CDK7: variants seen among roughly 807,000 people sequenced by gnomAD.
The protein encoded by CDK7 is cyclin-dependent kinase 7.
CDK7 carries 25 observed loss-of-function variants against 49.1 expected under a neutral mutation model. The observed-to-expected ratio is 0.51, with a 90% CI of 0.37 to 0.71. CDK7 has a LOEUF of 0.71. Ranked by LOEUF, CDK7 falls within the 30% of genes least tolerant of loss-of-function variation. The pLI is 0.00. For synonymous variants in CDK7, 107 were observed against 140.0 expected, an observed-to-expected ratio of 0.76 and a Z score of 1.67; for missense variants, 316 against 411.7, an observed-to-expected ratio of 0.77 and a Z score of 2.01.
At position 69,273,042 on chromosome 5, in the gene CDK7, G is replaced by A; in HGVS notation, c.864+1G>A. On this transcript the variant is annotated splice_donor_variant, in intron 10 of 11. Coordinates refer to ENST00000256443, the MANE Select transcript of CDK7 (RefSeq NM_001799.4). LOFTEE classifies it high-confidence loss of function. ...ATGTGCTCGAATTACGGCCACACAG[G>A]TATTTTGGTGTATCTTTTTTATACT... 7 of 1,506,130 alleles carry A rather than the reference G, an allele frequency of 4.6e-6. No individual in the cohort carries two copies. Among genetic ancestry groups the A allele is most frequent in the Non-Finnish European group, 6.3e-6 (7 of 1,116,182 alleles). The allele number at this position is 1,506,130 out of a possible 1,614,324, so 93.3% of individuals were successfully genotyped here.
intron 11 of CDK7, 158 bp downstream of exon 11, chr5:69,276,848 G>A (rs1458980366): frequency 1.4e-6 from 1 of 735,642 alleles, no homozygotes; most frequent in Non-Finnish European, 2.2e-6. Flanking sequence ...TGCCGTTTTA[G>A]GTATGTTTAC....
intron 4 of CDK7, 46 bp from the exon 5 acceptor site, chr5:69,255,414 T>C: frequency 9.0e-7 from 1 of 1,109,644 alleles, no homozygotes; most frequent in Non-Finnish European, 1.3e-6. Flanking sequence ...TATGATACTG[T>C]CAGGTATTAA....
At chr5:69,265,046 G>A (rs992039506) in intron 8 of CDK7, among the ~76,000 whole-genome samples, 1 of 151,816 alleles carries the variant, frequency 6.6e-6, no homozygotes, top group Non-Finnish European at 1.5e-5. Flanking sequence ...GGCAGATCAC[G>A]AGGTGAGGAG....
intron 2 of CDK7, among the ~76,000 whole-genome samples, chr5:69,251,622 C>G (rs1561355891): frequency 2.0e-5 from 3 of 152,142 alleles, no homozygotes. Context: ...TCACTGTAGC[C>G]TGGGCTCAAG....
chr5:69,246,814 T>G (rs574452132), intron 2 of CDK7, among the ~76,000 whole-genome samples: 1 of 152,286 alleles, frequency 6.6e-6, no homozygotes, highest in Admixed American at 6.5e-5. Context: ...ATAATTTCTT[T>G]GAAGAAATTT....
chr5:69,269,584 G>A (rs1022445411), intron 9 of CDK7, among the ~76,000 whole-genome samples: 8 of 151,836 alleles, frequency 5.3e-5, no homozygotes, highest in African/African-American at 1.7e-4. Context: ...AGCACACTAC[G>A]AACATAAAAG....
In CDK7 at chr5:69,277,224, G is replaced by A; in HGVS notation, c.*89G>A. 1 of 890,752 alleles carries A rather than the reference G, an allele frequency of 1.1e-6. No homozygotes were observed. Among genetic ancestry groups the A allele is most frequent in the Non-Finnish European group, 1.7e-6 (1 of 580,550 alleles). The allele number at this position is 890,752 out of a possible 1,614,324, so 55.2% of individuals were successfully genotyped here. A position where few individuals can be genotyped will look rare whatever the true frequency, so the allele number is the denominator to read the frequency against. ...TAGTAAACATTAAGTAAATGCTGTA[G>A]AAGTGAGTTTGTAAATATTCTACAC... is the stretch of plus-strand genomic sequence containing the variant. On this transcript the variant is annotated 3_prime_UTR_variant, in exon 12 of 12. Transcript: ENST00000256443.
chr5:69,276,541 A>C lies in CDK7; in HGVS notation c.865-2A>C. Reference sequence around the variant, plus strand: ...TACTTTTGGTATCTTTTCTTTTAAAAGGCACTGAAAATGAAGTATTTCAGT... The same window carrying C: ...TACTTTTGGTATCTTTTCTTTTAAACGGCACTGAAAATGAAGTATTTCAGT... On this transcript the variant is annotated splice_acceptor_variant, in intron 10 of 11. Transcript: ENST00000256443. LOFTEE classifies it high-confidence loss of function. 6.2e-7 allele frequency: 1 copy of C among 1,612,008 alleles called. No individual in the cohort carries two copies. The highest frequency in any genetic ancestry group is 1.1e-5 in the South Asian group (1 of 90,894).
chr5:69,269,366 A>G (rs564645874), intron 9 of CDK7, 73 bp downstream of exon 9: 169 of 977,206 alleles, frequency 1.7e-4, no homozygotes, highest in Non-Finnish European at 1.6e-4. Context: ...TATACTTTAT[A>G]TAGTGCTGTC....
At chr5:69,236,031 A>AAG (rs1417385795) in intron 2 of CDK7, among the ~76,000 whole-genome samples, 4 of 152,180 alleles carry the variant, frequency 2.6e-5, no homozygotes, top group African/African-American at 4.8e-5. Flanking sequence ...ACTTGGGGTC[A>AAG]AGAGATCCAG....
intron 7 of CDK7, among the ~76,000 whole-genome samples, chr5:69,261,293 C>G (rs1366368577): frequency 1.3e-5 from 2 of 152,126 alleles, no homozygotes; most frequent in African/African-American, 4.8e-5. Flanking sequence ...TGTACAAGAG[C>G]ATTGTTAACA....
intron 5 of CDK7, chr5:69,255,940 C>T (rs1343559599): frequency 5.9e-6 from 1 of 169,754 alleles, no homozygotes; most frequent in African/African-American, 2.4e-5. Context: ...TCTCTCACTT[C>T]AGCCTCCCAA....
intron 9 of CDK7, among the ~76,000 whole-genome samples, chr5:69,272,148 C>T (rs4423955): frequency 0.28 from 42,438 of 151,942 alleles, 6,488 homozygotes; most frequent in East Asian, 0.4. Flanking sequence ...GTTGAAATGA[C>T]GGTCTCTTCA....
chr5:69,269,232 A>G lies in CDK7; in HGVS notation c.653A>G (p.Asp218Gly), dbSNP rs761324618. 3 of 1,611,790 alleles carry G rather than the reference A, an allele frequency of 1.9e-6. No individual in the cohort carries two copies. In the East Asian group the frequency reaches 6.7e-5, roughly 36 times the overall value. ...GTTCCTTTTTTGCCAGGAGATTCAG[A>G]CCTTGATCAGCTAACAAGAATATTT... is the stretch of plus-strand genomic sequence containing the variant. ...LRVPFLPGDS[D>G]LDQLTRIFET... The change falls in exon 9 of 12, where the codon GAC becomes GGC. Residue 218 changes from aspartate to glycine, a missense_variant. Coordinates refer to ENST00000256443, the MANE Select transcript of CDK7 (RefSeq NM_001799.4).
intron 2 of CDK7, 76 bp downstream of exon 2, chr5:69,235,529 TTAG>T (rs1748911265): frequency 1.0e-6 from 1 of 973,248 alleles, no homozygotes; most frequent in Non-Finnish European, 1.7e-6. Flanking sequence ...AGCCATTTTA[TTAG>T]TCTTGACCAT....
At chr5:69,252,908 T>C (rs1398078265) in intron 3 of CDK7, among the ~76,000 whole-genome samples, 2 of 152,184 alleles carry the variant, frequency 1.3e-5, no homozygotes, top group Non-Finnish European at 2.9e-5. Context: ...AGAGTAAAGA[T>C]AGACTCAGCA....
chr5:69,260,088 C>T (rs759201733), intron 7 of CDK7, 152 bp downstream of exon 7: 1 of 590,136 alleles, frequency 1.7e-6, no homozygotes, highest in Non-Finnish European at 3.0e-6. Flanking sequence ...GTGACTCATG[C>T]CTGTAATCCC....
intron 2 of CDK7, among the ~76,000 whole-genome samples, chr5:69,240,959 A>G (rs1200112769): frequency 6.6e-6 from 1 of 152,090 alleles, no homozygotes; most frequent in Non-Finnish European, 1.5e-5. Flanking sequence ...CTTTGTGTAT[A>G]TGCACCACAT....
intron 2 of CDK7, among the ~76,000 whole-genome samples, chr5:69,241,307 GTTTTTTCTTTT>G (rs770798252): frequency 0.16 from 18,009 of 112,016 alleles, 2,084 homozygotes; most frequent in African/African-American, 0.34. Flanking sequence ...CTCATTGTAG[GTTTTTTCTTTT>G]TTTTTTTTTT....
Sources: gnomAD v4.1 joint callset for allele counts (sites outside exome capture counted in the v4.1 genomes callset) on GRCh38, gnomAD v4.1.1 for gene constraint, MANE v1.5 for transcripts, NCBI Gene and HGNC (gene_info 2026-07-23, HGNC 2026-07-21) for gene names.